Variants in NUMB observed in about 807,000 individuals in gnomAD.
NUMB encodes protein numb homolog.
A neutral mutation model predicts 59.7 loss-of-function variants in NUMB; 29 were observed. The observed-to-expected ratio is 0.49, with a 90% confidence interval of 0.36 to 0.66. The LOEUF (loss-of-function observed/expected upper bound fraction) is 0.66, where lower values mean the gene tolerates loss of function less well. Among genes scored for constraint, NUMB ranks in the 30% least tolerant of loss-of-function variants. The pLI is 0.00. For missense variants in NUMB, 723 were observed against 822.0 expected (o/e 0.88, Z 1.47); for synonymous variants, 288 against 288.2 (o/e 1.00, Z 0.01).
At chr14:73,409,812 A>G (rs1595004625) in intron 2 of NUMB, 125 bp downstream of exon 2, 1 of 152,202 alleles carries the variant, frequency 6.6e-6, no homozygotes, top group East Asian at 1.9e-4. Context: ...ATTCCAAGTG[A>G]TTTTACCAGG....
At chr14:73,348,649 A>C (rs1473205045) in intron 4 of NUMB, among the ~76,000 whole-genome samples, 1 of 152,086 alleles carries the variant, frequency 6.6e-6, no homozygotes, top group Non-Finnish European at 1.5e-5. Context: ...TCTCAAAACC[A>C]CCTGCCCCAG....
At chr14:73,405,180 TGTAAA>T (rs1167939339) in intron 2 of NUMB, among the ~76,000 whole-genome samples, 2 of 152,226 alleles carry the variant, frequency 1.3e-5, no homozygotes, top group African/African-American at 4.8e-5. Flanking sequence ...TTGAAGATGC[TGTAAA>T]GTAAATATCA....
intron 1 of NUMB, among the ~76,000 whole-genome samples, chr14:73,422,515 A>T (rs1897392945): frequency 6.6e-6 from 1 of 152,154 alleles, no homozygotes; most frequent in Non-Finnish European, 1.5e-5. Flanking sequence ...AGGAAACTGA[A>T]ACTAGGAAAT....
intron 2 of NUMB, among the ~76,000 whole-genome samples, chr14:73,378,326 T>C (rs951124195): frequency 2.0e-5 from 3 of 152,202 alleles, no homozygotes; most frequent in Admixed American, 6.6e-5. Context: ...GCACAGCCAC[T>C]TTAGAAAAGT....
chr14:73,332,067 T>TC (rs1003887374), intron 4 of NUMB, among the ~76,000 whole-genome samples: 33 of 152,198 alleles, frequency 2.2e-4, no homozygotes, highest in African/African-American at 7.9e-4. Flanking sequence ...CTCCTTTTTT[T>TC]CCATTTGAGT....
intron 3 of NUMB, among the ~76,000 whole-genome samples, chr14:73,366,655 A>T (rs1172418046): frequency 3.9e-5 from 6 of 152,224 alleles, no homozygotes; most frequent in Non-Finnish European, 8.8e-5. Context: ...TAAAGGATTC[A>T]TACCCAAGTA....
At chr14:73,356,343 T>A (rs1416316126) in intron 3 of NUMB, among the ~76,000 whole-genome samples, 1 of 152,200 alleles carries the variant, frequency 6.6e-6, no homozygotes, top group East Asian at 1.9e-4. Context: ...AAATAAAGTT[T>A]TCTTTAAACA....
chr14:73,350,916 C>T (rs954618507), intron 4 of NUMB, among the ~76,000 whole-genome samples: 1 of 152,176 alleles, frequency 6.6e-6, no homozygotes, highest in African/African-American at 2.4e-5. Context: ...CATTATCTAT[C>T]CTTTGAATTA....
chr14:73,415,482 A>T (rs1434828134), intron 1 of NUMB, among the ~76,000 whole-genome samples: 1 of 148,740 alleles, frequency 6.7e-6, no homozygotes, highest in Non-Finnish European at 1.5e-5. Flanking sequence ...ATTTCTCCTT[A>T]CTGTCTTGCA....
intron 2 of NUMB, among the ~76,000 whole-genome samples, chr14:73,396,321 GGTGTGTGTGTGT>G (rs200195176): frequency 6.5e-4 from 94 of 144,302 alleles, no homozygotes; most frequent in East Asian, 1.2e-3. Context: ...AATTATTAGG[GGTGTGTGTGTGT>G]GTGTGTGTGT....
Position 73,277,165 on chromosome 14 carries a change from G to C in NUMB, c.1369C>G (p.Gln457Glu). ...VSKSVRAQQP[Q>E]ASAAPLQPVL... is the part of the protein sequence containing the mutation. ...GGCTGCAGAGGAGCAGCTGAGGCCTGGGGCTGCTGAGCCCGGACGCTCTTA... is the reference window on the plus strand; with the variant it reads ...GGCTGCAGAGGAGCAGCTGAGGCCTCGGGCTGCTGAGCCCGGACGCTCTTA... The change falls in exon 13 of 13, where the codon CAG becomes GAG. Residue 457 changes from glutamine to glutamate, a missense_variant. Around this residue, in one of 2 missense-constraint regions of NUMB, gnomAD observed 406 missense variants for 385.4 expected, o/e 1.05. Coordinates refer to ENST00000555238, the MANE Select transcript of NUMB (RefSeq NM_001005743.2). 1 of 1,614,004 alleles carries C rather than the reference G, an allele frequency of 6.2e-7. No homozygotes were observed.
rs538305841 is a variant in NUMB at position 73,344,295 on chromosome 14, A to G, written c.126+11331T>C. ...CACAGGTTATTACATTTTACATGGT[A>G]GGTCAGCCACTGGATCAGAACTTGC... On this transcript the variant is annotated intron_variant, in intron 4 of 12. Coordinates refer to ENST00000555238, the MANE Select transcript of NUMB (RefSeq NM_001005743.2). Among the ~76,000 whole-genome samples the G allele has an allele frequency of 2.0e-5, 3 of 152,336 alleles. No homozygotes were observed. In the South Asian group the frequency reaches 6.2e-4, roughly 32 times the overall value.
chr14:73,291,051 C>T (rs1018744814), intron 8 of NUMB, among the ~76,000 whole-genome samples: 1 of 151,698 alleles, frequency 6.6e-6, no homozygotes, highest in Non-Finnish European at 1.5e-5. Flanking sequence ...TTCATTCTAC[C>T]GTAACTTAGT....
intron 6 of NUMB, among the ~76,000 whole-genome samples, chr14:73,301,376 G>T (rs1268118869): frequency 1.3e-5 from 2 of 152,194 alleles, no homozygotes; most frequent in East Asian, 3.8e-4. Flanking sequence ...TTTAGAATGG[G>T]ACTGTTCTCC....
chr14:73,368,589 A>G (rs1894504364), intron 2 of NUMB, among the ~76,000 whole-genome samples: 1 of 152,084 alleles, frequency 6.6e-6, no homozygotes, highest in Non-Finnish European at 1.5e-5. Context: ...GTCTCCAAAA[A>G]AAAACAAAAA....
chr14:73,403,483 T>C (rs922841708), intron 2 of NUMB, among the ~76,000 whole-genome samples: 1 of 152,236 alleles, frequency 6.6e-6, no homozygotes, highest in Non-Finnish European at 1.5e-5. Context: ...AGGACTATTC[T>C]GAGTATTTGC....
At chr14:73,418,632 A>G (rs1181255638) in intron 1 of NUMB, among the ~76,000 whole-genome samples, 2 of 152,050 alleles carry the variant, frequency 1.3e-5, no homozygotes, top group African/African-American at 4.8e-5. Context: ...TTAGCCAGGC[A>G]TGGTGGCACA....
rs1234626261 is a variant in NUMB at position 73,276,865 on chromosome 14, C to T, written c.1669G>A (p.Val557Ile). 6.2e-7 allele frequency: 1 copy of T among 1,614,050 alleles called. No homozygotes were observed. The highest frequency in any genetic ancestry group is 8.5e-7 in the Non-Finnish European group (1 of 1,179,964). ...AAHPHQSPSL[V>I]RQQTFPHYEA... is the part of the protein sequence containing the mutation. ...TAGTGAGGGAATGTCTGCTGCCTGA[C>T]CAGGCTGGGTGACTGATGGGGATGG... Residue 557 changes from valine (V) to isoleucine (I), a missense_variant, in exon 13 of 13, where the codon GTC becomes ATC. Around this residue, in one of 2 missense-constraint regions of NUMB, gnomAD observed 406 missense variants for 385.4 expected, o/e 1.05. Transcript: ENST00000555238.
intron 1 of NUMB, among the ~76,000 whole-genome samples, chr14:73,423,322 A>G (rs1030398478): frequency 2.7e-4 from 41 of 150,662 alleles, no homozygotes; most frequent in African/African-American, 8.8e-4. Context: ...CAACATGATG[A>G]AACCCTGTCT....
Sources: allele counts gnomAD v4.1 joint callset (sites outside exome capture counted in the v4.1 genomes callset), GRCh38; gene constraint gnomAD v4.1.1; regional missense constraint gnomAD v4.1.1; transcripts MANE v1.5; gene names NCBI Gene and HGNC (gene_info 2026-07-23, HGNC 2026-07-21).